The following PCDH8 variants were observed in gnomAD, a reference collection of about 807,000 sequenced individuals.
PCDH8 encodes the protein protocadherin 8.
PCDH8 carries 36 observed loss-of-function variants against 58.2 expected under a neutral mutation model. The observed-to-expected ratio is 0.62, with a 90% CI of 0.47 to 0.82. The LOEUF is 0.82. PCDH8 is among the 40% of genes least tolerant of loss of function. The pLI is 0.00. For synonymous variants in PCDH8, 775 were observed against 728.9 expected (o/e 1.06, Z -1.02); for missense variants, 1,493 against 1,567.8 (o/e 0.95, Z 0.81).
chr13:52,846,598 C>T lies in PCDH8; in HGVS notation c.1839G>A (p.Ala613=), dbSNP rs763294279. ...CCACTTCTAGGGAGCCATTGGCTGGCGCCGGGTGCACCAGGACTGGCGCAT... is the reference window on the plus strand; with the variant it reads ...CCACTTCTAGGGAGCCATTGGCTGGTGCCGGGTGCACCAGGACTGGCGCAT... ...NDHAPVLVHP[A]PANGSLEVAV... is the part of the protein sequence containing the mutation. Residue 613 remains alanine (A), a synonymous_variant, in exon 1 of 3, where the codon GCG becomes GCA. Coordinates refer to ENST00000377942, the MANE Select transcript of PCDH8 (RefSeq NM_002590.4). The T allele has an allele frequency of 1.9e-6, 3 of 1,605,146 alleles. No homozygotes were observed. Among genetic ancestry groups the T allele is most frequent in the Non-Finnish European group, 2.5e-6 (3 of 1,178,828 alleles).
In PCDH8 at chr13:52,846,658, G is replaced by C. The variant is rs961060805; in HGVS notation, c.1779C>G (p.Ala593=). ...GGTCCAGCACGCGCACTTGCACTAG[G>C]GCGCTGCTGGAAAGCTGAGGGGAGC... ...DGGSPQLSSS[A]LVQVRVLDQN... Residue 593 remains alanine (A), a synonymous_variant, in exon 1 of 3, where the codon GCC becomes GCG. Coordinates refer to ENST00000377942, the MANE Select transcript of PCDH8 (RefSeq NM_002590.4). 90 of 1,603,012 alleles carry C rather than the reference G, an allele frequency of 5.6e-5. No individual in the cohort carries two copies. Among genetic ancestry groups the C allele is most frequent in the Non-Finnish European group, 7.2e-5 (85 of 1,177,838 alleles).
rs1965703168 is a variant in PCDH8 at position 52,844,780 on chromosome 13, A to C, written c.2993T>G (p.Leu998Arg). Residue 998 changes from leucine to arginine, a missense_variant, in exon 3 of 3, where the codon CTG (leucine) becomes CGG (arginine). Leu to Arg is a moderately radical substitution (Grantham distance 102). Around this residue, in one of 3 missense-constraint regions of PCDH8, gnomAD observed 182 missense variants for 178.9 expected, o/e 1.02. Coordinates refer to ENST00000377942, the MANE Select transcript of PCDH8 (RefSeq NM_002590.4). ...CKSTSLPRDP[L>R]RRDNYYQAQL... ...GGCCTGGTAGTAATTGTCCCTGCGC[A>C]GAGGATCCCGAGGCAGTGACGTGCT... 2 of 1,613,300 alleles carry C rather than the reference A, an allele frequency of 1.2e-6. No homozygotes were observed. Among genetic ancestry groups the C allele is most frequent in the Non-Finnish European group, 1.7e-6 (2 of 1,179,672 alleles).
In PCDH8 at chr13:52,848,611, C is replaced by G; in HGVS notation, c.-175G>C. 1 of 1,238,292 alleles carries G rather than the reference C, an allele frequency of 8.1e-7. No individual in the cohort carries two copies. Among genetic ancestry groups the G allele is most frequent in the Non-Finnish European group, 1.1e-6 (1 of 934,474 alleles). 76.7% of individuals were successfully genotyped at this position (1,238,292 alleles called of 1,614,324 possible). ...CTGAGGACGCGCGGACCCGCCCTCA[C>G]TCTGCGCCTCTCCGTCTCTTACAGA... is the stretch of plus-strand genomic sequence containing the variant. On this transcript the variant is annotated 5_prime_UTR_variant, in exon 1 of 3. Transcript: ENST00000377942.
rs1345321666 is a variant in PCDH8 at position 52,844,571 on chromosome 13, C to T, written c.3202G>A (p.Glu1068Lys). 1.1e-5 allele frequency: 18 copies of T among 1,588,712 alleles called. No homozygotes were observed. Among genetic ancestry groups the T allele is most frequent in the Non-Finnish European group, 1.5e-5 (18 of 1,167,032 alleles). ...CATGCAGCATGGGATTACACATTTT[C>T]ATTGGCTCCCTTCTTCGGGGACAGG... ...RYLSPKKGAN[E>K]NV The change falls in exon 3 of 3, where the codon GAA becomes AAA. Residue 1068 changes from glutamate to lysine, a missense_variant. Physicochemically the swap from Glu to Lys is moderately conservative, Grantham distance 56. Transcript: ENST00000377942.
chr13:52,848,394 A>C lies in PCDH8; in HGVS notation c.43T>G (p.Leu15Val). The C allele has an allele frequency of 2.5e-6, 4 of 1,610,998 alleles. No individual in the cohort carries two copies. In the East Asian group the frequency reaches 8.9e-5, roughly 36 times the overall value. Residue 15 changes from leucine (L) to valine (V), a missense_variant, in exon 1 of 3, where the codon TTG (leucine) becomes GTG (valine). By Grantham distance (32) the Leu-to-Val change is conservative. Coordinates refer to ENST00000377942, the MANE Select transcript of PCDH8 (RefSeq NM_002590.4). ...ACCCAGCAGAGGCTGAAGAGCTGCA[A>C]GGGGAAAAGGCAGGGGCTGCCCCAA... ...RRWGSPCLFP[L>V]QLFSLCWVLS...
chr13:52,847,861 A>G lies in PCDH8; in HGVS notation c.576T>C (p.Ala192=). ...RVELQTRADG[A]QCADLVLLQE... is the part of the protein sequence containing the mutation. ...GCAGCAGCACCAGGTCTGCGCACTGAGCGCCGTCCGCTCGCGTCTGCAGCT... is the reference window on the plus strand; with the variant it reads ...GCAGCAGCACCAGGTCTGCGCACTGGGCGCCGTCCGCTCGCGTCTGCAGCT... The change falls in exon 1 of 3, where the codon GCT becomes GCC. Residue 192 remains alanine, a synonymous_variant. Coordinates refer to ENST00000377942, the MANE Select transcript of PCDH8 (RefSeq NM_002590.4). 1 of 1,512,414 alleles carries G rather than the reference A, an allele frequency of 6.6e-7. No individual in the cohort carries two copies. The highest frequency in any genetic ancestry group is 8.8e-7 in the Non-Finnish European group (1 of 1,135,158). The allele number at this position is 1,512,414 out of a possible 1,614,324, so 93.7% of individuals were successfully genotyped here.
rs1308827705 is a variant in PCDH8 at position 52,844,885 on chromosome 13, C to T, written c.2888G>A (p.Arg963His). The change falls in exon 3 of 3, where the codon CGC becomes CAC. Residue 963 changes from arginine to histidine, a missense_variant. Physicochemically the swap from Arg to His is conservative, Grantham distance 29 (BLOSUM62 0). Transcript: ENST00000377942. Reference protein sequence around the residue: ...AECKILGHSDRCWSPSCSGPN... With the variant: ...AECKILGHSDHCWSPSCSGPN... ...CCCGCTGCAGGATGGGCTCCAGCAG[C>T]GGTCAGAGTGGCCCAGGATCTTACA... The T allele has an allele frequency of 3.2e-6, 5 of 1,574,204 alleles. No homozygotes were observed. Among genetic ancestry groups the T allele is most frequent in the Admixed American group, 3.5e-5 (2 of 56,694 alleles).
In PCDH8 at chr13:52,848,303, A is replaced by G; in HGVS notation, c.134T>C (p.Val45Ala). ...CAGGTCCTCGGCCAGGGTCCCGATGACCGTGCCGGGGGCATCCTCCTCGAA... is the reference window on the plus strand; with the variant it reads ...CAGGTCCTCGGCCAGGGTCCCGATGGCCGTGCCGGGGGCATCCTCCTCGAA... ...STFEEDAPGT[V>A]IGTLAEDLHM... Residue 45 changes from valine (V) to alanine (A), a missense_variant, in exon 1 of 3, where the codon GTC (valine) becomes GCC (alanine). Coordinates refer to ENST00000377942, the MANE Select transcript of PCDH8 (RefSeq NM_002590.4). 1 of 1,613,494 alleles carries G rather than the reference A, an allele frequency of 6.2e-7. No individual in the cohort carries two copies. The highest frequency in any genetic ancestry group is 8.5e-7 in the Non-Finnish European group (1 of 1,180,034).
At chr13:52,845,326 A>T (rs774960294) in intron 2 of PCDH8, 99 bp downstream of exon 2, 18 of 1,107,286 alleles carry the variant, frequency 1.6e-5, no homozygotes, top group Non-Finnish European at 2.4e-5. Flanking sequence ...AGTGGGGAAG[A>T]GGGAAGGGGG....
Position 52,848,068 on chromosome 13 carries a change from T to C in PCDH8, c.369A>G (p.Val123=), listed in dbSNP as rs45559538. 4 of 1,612,420 alleles carry C rather than the reference T, an allele frequency of 2.5e-6. No homozygotes were observed. The highest frequency in any genetic ancestry group is 3.3e-5 in the Admixed American group (2 of 60,014). The change falls in exon 1 of 3, where the codon GTA becomes GTG. Residue 123 remains valine, a synonymous_variant. Coordinates refer to ENST00000377942, the MANE Select transcript of PCDH8 (RefSeq NM_002590.4). ...CGTGGTCGTTGACGTCCCTCACCTC[T>C]ACCTCCACGTGCACCAGCCGGAACT... ...QEQFRLVHVE[V]EVRDVNDHAP...
rs1965776377 is a variant in PCDH8 at position 52,848,223 on chromosome 13, A to G, written c.214T>C (p.Ser72Pro). 1 of 1,613,478 alleles carries G rather than the reference A, an allele frequency of 6.2e-7. No individual in the cohort carries two copies. Among genetic ancestry groups the G allele is most frequent in the East Asian group, 2.2e-5 (1 of 44,874 alleles). Residue 72 changes from serine (S) to proline (P), a missense_variant, in exon 1 of 3, where the codon TCT becomes CCT. Physicochemically the swap from Ser to Pro is moderately conservative, Grantham distance 74. Coordinates refer to ENST00000377942, the MANE Select transcript of PCDH8 (RefSeq NM_002590.4). ...TCGCCTTCGCGCACCCGGAGCAGAG[A>G]GCTGTTGAATTGCTTCATCAGGCGG... ...SFRLMKQFNSSLLRVREGDGQ... is the reference protein window; with the variant it reads ...SFRLMKQFNSPLLRVREGDGQ...
chr13:52,846,718 G>A lies in PCDH8; in HGVS notation c.1719C>T (p.Arg573=), dbSNP rs1335566898. ...ALRSFDYETL[R]QLDVRIQASD... ...TAGCTTGGATGCGAACGTCGAGTTG[G>A]CGCAGCGTCTCATAGTCGAAGCTGC... Residue 573 remains arginine, a synonymous_variant, in exon 1 of 3, where the codon CGC becomes CGT. Coordinates refer to ENST00000377942, the MANE Select transcript of PCDH8 (RefSeq NM_002590.4). 3.8e-6 allele frequency: 6 copies of A among 1,595,468 alleles called. No individual in the cohort carries two copies. In the Admixed American group the frequency reaches 1.0e-4, roughly 27 times the overall value.
intron 2 of PCDH8, 118 bp downstream of exon 2, chr13:52,845,307 G>A (rs771753596): frequency 1.1e-6 from 1 of 945,714 alleles, no homozygotes; most frequent in African/African-American, 1.6e-5. Flanking sequence ...AGCTGTAGGA[G>A]TGAGAAAAAG....
Position 52,844,710 on chromosome 13 carries a change from T to C in PCDH8, c.3063A>G (p.Val1021=), listed in dbSNP as rs1566263658. Residue 1021 remains valine, a synonymous_variant, in exon 3 of 3, where the codon GTA becomes GTG. Transcript: ENST00000377942. ...CTGTCCTGTCATAGTCTCTGTGCAG[T>C]ACTTTCTCATAGACGCTCTGCAGCC... ...TVGLQSVYEK[V]LHRDYDRTVT... 1 of 1,614,126 alleles carries C rather than the reference T, an allele frequency of 6.2e-7. No homozygotes were observed. Among genetic ancestry groups the C allele is most frequent in the Middle Eastern group, 1.6e-4 (1 of 6,062 alleles).
intron 2 of PCDH8, 29 bp downstream of exon 2, chr13:52,845,396 C>T: frequency 6.2e-7 from 1 of 1,607,618 alleles, no homozygotes; most frequent in Non-Finnish European, 8.5e-7. Flanking sequence ...GGAGGAATGC[C>T]GAATTTGGCG....
rs769364797 is a variant in PCDH8, at chr13:52,846,758, G to A, written c.1679C>T (p.Ala560Val). ...GTCGAAGCTGCGCAGCGCGTAGATG[G>A]CTCCGGTAGCTGGGTCCACCGAGAC... ...TYVSVDPATG[A>V]IYALRSFDYE... The change falls in exon 1 of 3, where the codon GCC becomes GTC. Residue 560 changes from alanine (A) to valine (V), a missense_variant. Physicochemically the swap from Ala to Val is moderately conservative, Grantham distance 64. This residue lies in a region of PCDH8 where 1,307 missense variants were observed against 1,362.7 expected (regional missense o/e 0.96). Coordinates refer to ENST00000377942, the MANE Select transcript of PCDH8 (RefSeq NM_002590.4). 49 of 1,579,506 alleles carry A rather than the reference G, an allele frequency of 3.1e-5. No homozygotes were observed. Among genetic ancestry groups the A allele is most frequent in the Non-Finnish European group, 4.1e-5 (48 of 1,169,956 alleles).
At position 52,846,260 on chromosome 13, in the gene PCDH8, C is replaced by T. The variant is rs1316188016; in HGVS notation, c.2177G>A (p.Ser726Asn). 1 of 1,583,000 alleles carries T rather than the reference C, an allele frequency of 6.3e-7. No homozygotes were observed. ...RGPAAPASAG[S>N]PERSRPPGSR... is the part of the protein sequence containing the mutation. The stretch of plus-strand genomic sequence containing the variant: ...GCCAGGCGGGCGGGAACGCTCCGGG[C>T]TTCCTGCACTGGCAGGCGCAGCCGG... The change falls in exon 1 of 3, where the codon AGC (serine) becomes AAC (asparagine). Residue 726 changes from serine to asparagine, a missense_variant. Physicochemically the swap from Ser to Asn is conservative, Grantham distance 46. Transcript: ENST00000377942.
chr13:52,847,609 T>C lies in PCDH8; in HGVS notation c.828A>G (p.Gly276=). Residue 276 remains glycine (G), a synonymous_variant, in exon 1 of 3, where the codon GGA becomes GGG. Transcript: ENST00000377942. The part of the protein sequence containing the change: ...LDLDAADPDE[G]PNGDVVFAFG... ...ATGCGAACACCACGTCGCCGTTAGG[T>C]CCCTCGTCGGGGTCGGCTGCGTCCA... 6.4e-7 allele frequency: 1 copy of C among 1,572,880 alleles called. No individual in the cohort carries two copies.
In PCDH8 at chr13:52,845,617, G is replaced by A; in HGVS notation, c.2647C>T (p.Pro883Ser). The stretch of plus-strand genomic sequence containing the variant: ...GGCGCCGGCTCCTTTCCAAAACCCG[G>A]GGAGGCACCGTAGGGCTGCAGCAGG... ...GAHAEPYGAS[P>S]GFGKEPAPPV... Residue 883 changes from proline to serine, a missense_variant, in exon 2 of 3, where the codon CCG (proline) becomes TCG (serine). By Grantham distance (74) the Pro-to-Ser change is moderately conservative (BLOSUM62 -1). This residue lies in a region of PCDH8 where 1,307 missense variants were observed against 1,362.7 expected (regional missense o/e 0.96). Transcript: ENST00000377942. 6.2e-7 allele frequency: 1 copy of A among 1,614,006 alleles called. No homozygotes were observed. The highest frequency in any genetic ancestry group is 1.1e-5 in the South Asian group (1 of 91,082).
Sources: allele counts gnomAD v4.1 joint callset, GRCh38; gene constraint gnomAD v4.1.1; regional missense constraint gnomAD v4.1.1; transcripts MANE v1.5; gene names NCBI Gene and HGNC (gene_info 2026-07-23, HGNC 2026-07-21).